Variants in TSHZ2 observed in about 807,000 individuals in gnomAD.
TSHZ2 encodes the protein teashirt homolog 2.
Under a neutral mutation model 74.4 loss-of-function variants are expected in TSHZ2, and 21 were observed. That is an observed-to-expected ratio of 0.28 (90% CI 0.20 to 0.41). The LOEUF (loss-of-function observed/expected upper bound fraction) is 0.41. Ranked by LOEUF, TSHZ2 falls within the 10% of genes least tolerant of loss-of-function variation. The pLI is 1.00. For synonymous variants in TSHZ2, 540 were observed against 515.3 expected, an observed-to-expected ratio of 1.05 and a Z score of -0.65; for missense variants, 1,244 against 1,293.5, an observed-to-expected ratio of 0.96 and a Z score of 0.59.
chr20:53,050,128 CAT>C (rs1342607134), intron 1 of TSHZ2, among the ~76,000 whole-genome samples: 843 of 74,050 alleles, frequency 0.011, 28 homozygotes, highest in African/African-American at 0.1. Context: ...TATATATACA[CAT>C]ATATATATGT....
intron 2 of TSHZ2, among the ~76,000 whole-genome samples, chr20:53,439,472 CT>C (rs1447756027): frequency 6.6e-6 from 1 of 152,158 alleles, no homozygotes; most frequent in Non-Finnish European, 1.5e-5. Flanking sequence ...TTCTGGCATC[CT>C]TTATGCTTCT....
chr20:53,369,534 C>T (rs1981391935), intron 2 of TSHZ2, among the ~76,000 whole-genome samples: 1 of 151,698 alleles, frequency 6.6e-6, no homozygotes, highest in South Asian at 2.1e-4. Flanking sequence ...TGGTGAAACC[C>T]CATCTTTACT....
chr20:52,990,637 G>A (rs1377926295), intron 1 of TSHZ2, among the ~76,000 whole-genome samples: 1 of 152,086 alleles, frequency 6.6e-6, no homozygotes, highest in Non-Finnish European at 1.5e-5. Flanking sequence ...GGAAGGAAGA[G>A]CCCCCCGGAT....
intron 2 of TSHZ2, among the ~76,000 whole-genome samples, chr20:53,335,092 C>A (rs968377568): frequency 1.3e-5 from 2 of 152,196 alleles, no homozygotes; most frequent in African/African-American, 4.8e-5. Context: ...TGAGAGACGA[C>A]CATGCCTTGG....
chr20:53,030,541 G>C (rs1460184302), intron 1 of TSHZ2, among the ~76,000 whole-genome samples: 2 of 152,082 alleles, frequency 1.3e-5, no homozygotes, highest in Non-Finnish European at 2.9e-5. Context: ...TTTATATCAT[G>C]GTTGCCCTTT....
chr20:53,252,732 GA>G (rs1383814285), intron 1 of TSHZ2, among the ~76,000 whole-genome samples: 1 of 152,176 alleles, frequency 6.6e-6, no homozygotes, highest in East Asian at 1.9e-4. Flanking sequence ...ACAAGATCGA[GA>G]GGGCATTTTC....
chr20:53,336,063 G>A (rs1170031554), intron 2 of TSHZ2, among the ~76,000 whole-genome samples: 3 of 152,202 alleles, frequency 2.0e-5, no homozygotes, highest in Non-Finnish European at 2.9e-5. Context: ...GGTGAAAAGC[G>A]ACAGGATTTG....
chr20:53,258,641 C>T (rs973734888), intron 2 of TSHZ2, among the ~76,000 whole-genome samples: 2 of 152,124 alleles, frequency 1.3e-5, no homozygotes, highest in African/African-American at 4.8e-5. Context: ...TCTAGGGATT[C>T]AAAGGTGAAC....
chr20:53,101,543 T>C lies in TSHZ2; in HGVS notation c.40+128210T>C, dbSNP rs1986218164. On this transcript the variant is annotated intron_variant, in intron 1 of 2. Transcript: ENST00000371497. Reference sequence around the variant, plus strand: ...AAATACAATGAAGGCATCTGTTTAATCCAACCATTCTTGATTTCAGAACTT... The same window carrying C: ...AAATACAATGAAGGCATCTGTTTAACCCAACCATTCTTGATTTCAGAACTT... Among the ~76,000 whole-genome samples the C allele has an allele frequency of 2.0e-5, 3 of 152,256 alleles. No individual in the cohort carries two copies. In the South Asian group the frequency reaches 6.2e-4, roughly 31 times the overall value.
intron 2 of TSHZ2, among the ~76,000 whole-genome samples, chr20:53,479,923 C>G (rs919562870): frequency 6.6e-6 from 1 of 152,156 alleles, no homozygotes; most frequent in Admixed American, 6.5e-5. Flanking sequence ...TAGAGAAAAA[C>G]TGGCTTGCAG....
At chr20:53,467,751 A>G (rs1041205414) in intron 2 of TSHZ2, among the ~76,000 whole-genome samples, 1 of 152,228 alleles carries the variant, frequency 6.6e-6, no homozygotes, top group Admixed American at 6.5e-5. Context: ...CATAATTACT[A>G]AAGTTGGGCC....
At chr20:53,458,446 CTCT>C in intron 2 of TSHZ2, among the ~76,000 whole-genome samples, 1 of 152,240 alleles carries the variant, frequency 6.6e-6, no homozygotes, top group South Asian at 2.1e-4. Flanking sequence ...TGATTCTTCT[CTCT>C]TTTTTTCTTT....
chr20:53,236,834 G>A (rs761191244), intron 1 of TSHZ2, among the ~76,000 whole-genome samples: 2 of 152,150 alleles, frequency 1.3e-5, no homozygotes, highest in Non-Finnish European at 2.9e-5. Flanking sequence ...ATGAAGTGGG[G>A]AAAAGCCCCT....
intron 2 of TSHZ2, among the ~76,000 whole-genome samples, chr20:53,470,320 G>C (rs1212360855): frequency 1.3e-5 from 2 of 152,080 alleles, no homozygotes; most frequent in African/African-American, 4.8e-5. Context: ...AAAGTTGAAG[G>C]GTTTCCTCAC....
chr20:53,207,858 CTT>C (rs58457116), intron 1 of TSHZ2, among the ~76,000 whole-genome samples: 1,577 of 96,656 alleles, frequency 0.016, 27 homozygotes, highest in African/African-American at 0.063. Flanking sequence ...CATTGTTTTA[CTT>C]TTTTTTTTTT....
intron 1 of TSHZ2, among the ~76,000 whole-genome samples, chr20:53,022,948 G>T (rs958413113): frequency 7.2e-5 from 11 of 151,858 alleles, no homozygotes; most frequent in Non-Finnish European, 1.2e-4. Flanking sequence ...GTGTGTTATT[G>T]CTTCTCTTCT....
intron 1 of TSHZ2, among the ~76,000 whole-genome samples, chr20:53,029,721 G>T (rs1379557414): frequency 6.6e-6 from 1 of 152,134 alleles, no homozygotes; most frequent in African/African-American, 2.4e-5. Flanking sequence ...CAATTCATAT[G>T]GATGGATGTT....
intron 1 of TSHZ2, among the ~76,000 whole-genome samples, chr20:53,010,502 G>A (rs1482291481): frequency 2.0e-5 from 3 of 152,058 alleles, no homozygotes; most frequent in Non-Finnish European, 2.9e-5. Flanking sequence ...TCCTCTGGTC[G>A]GATTTTATGT....
intron 1 of TSHZ2, among the ~76,000 whole-genome samples, chr20:53,083,681 A>G (rs1443080050): frequency 6.6e-6 from 1 of 152,230 alleles, no homozygotes; most frequent in East Asian, 1.9e-4. Context: ...TTGAAGTATC[A>G]GTTTCCTCAT....
Sources: gnomAD v4.1 joint callset for allele counts (sites outside exome capture counted in the v4.1 genomes callset) on GRCh38, gnomAD v4.1.1 for gene constraint, MANE v1.5 for transcripts, NCBI Gene and HGNC (gene_info 2026-07-23, HGNC 2026-07-21) for gene names.